Variants in HCFC2 observed in about 807,000 individuals in gnomAD.
HCFC2 encodes host cell factor 2.
HCFC2 carries 18 observed loss-of-function variants against 89.2 expected under a neutral mutation model. The ratio of observed to expected loss-of-function variants is 0.20; its 90% CI spans 0.14 to 0.30. The LOEUF (loss-of-function observed/expected upper bound fraction) is 0.30. HCFC2 is among the 10% of genes least tolerant of loss of function. HCFC2 has a pLI of 1.00. For missense variants in HCFC2, 578 were observed against 956.1 expected, an observed-to-expected ratio of 0.60 and a Z score of 5.21; for synonymous variants, 308 against 335.7, an observed-to-expected ratio of 0.92 and a Z score of 0.90.
intron 10 of HCFC2, 22 bp downstream of exon 10, chr12:104,093,585 C>G: frequency 1.9e-6 from 3 of 1,560,046 alleles, no homozygotes; most frequent in Non-Finnish European, 2.6e-6. Context: ...ACATTTTAAA[C>G]TAAAGCTTTT....
At position 104,095,364 on chromosome 12, in the gene HCFC2, T is replaced by C; in HGVS notation, c.1467T>C (p.Pro489=). 6.2e-7 allele frequency: 1 copy of C among 1,611,604 alleles called. No homozygotes were observed. The stretch of plus-strand genomic sequence containing the variant: ...ACCTTTTCCCTTTTATTTTAGGTCC[T>C]CACACTTCAGCAAATGTAGGTGTTC... ...VVDMLRKNEG[P]HTSANVGVLS... The change falls in exon 11 of 15, where the codon CCT becomes CCC. Residue 489 remains proline (P), a synonymous_variant. Transcript: ENST00000229330. This position sits in a 1 kb window ranked among gnomAD's most constrained non-coding sequence, Gnocchi z 4.2.
intron 9 of HCFC2, among the ~76,000 whole-genome samples, chr12:104,090,112 C>T (rs1443026106): frequency 1.3e-5 from 2 of 152,008 alleles, no homozygotes; most frequent in East Asian, 3.8e-4. Flanking sequence ...TCCTTTATTT[C>T]GTTGCAACCC....
chr12:104,088,214 T>C (rs1299907598), intron 9 of HCFC2, among the ~76,000 whole-genome samples, 176 bp downstream of exon 9: 1 of 152,182 alleles, frequency 6.6e-6, no homozygotes. Flanking sequence ...CTTCCTCAAA[T>C]CTAGTGAAGC....
At chr12:104,065,657 A>G (rs1275463431) in intron 1 of HCFC2, among the ~76,000 whole-genome samples, 3 of 152,190 alleles carry the variant, frequency 2.0e-5, no homozygotes, top group Non-Finnish European at 4.4e-5. Flanking sequence ...GAAGGTAAAA[A>G]GTTACTGACA....
In HCFC2 at chr12:104,103,381, G is replaced by T; in HGVS notation, c.*108G>T. 1.1e-6 allele frequency: 1 copy of T among 912,052 alleles called. No individual in the cohort carries two copies. The highest frequency in any genetic ancestry group is 1.6e-6 in the Non-Finnish European group (1 of 615,670). 56.5% of individuals were successfully genotyped at this position (912,052 alleles called of 1,614,324 possible). ...CTCTGGCTGTATTTCCAGCAGTTATGAACTTGAGTTTGTAAATTGTTCTTA... is the reference window on the plus strand; with the variant it reads ...CTCTGGCTGTATTTCCAGCAGTTATTAACTTGAGTTTGTAAATTGTTCTTA... On this transcript the variant is annotated 3_prime_UTR_variant, in exon 15 of 15. Coordinates refer to ENST00000229330, the MANE Select transcript of HCFC2 (RefSeq NM_013320.3).
chr12:104,102,945 C>CG lies in HCFC2; in HGVS notation c.2065-14_2065-13insG, dbSNP rs201090816. ...TTAAGAACCTTTAACCTGTTTTTTC[C>CG]CCCCCCCTTCAAGAATGTTGAAGGT... On this transcript the variant is annotated splice_polypyrimidine_tract_variant and intron_variant, in intron 14 of 14. Coordinates refer to ENST00000229330, the MANE Select transcript of HCFC2 (RefSeq NM_013320.3). 12 of 1,573,300 alleles carry CG rather than the reference C, an allele frequency of 7.6e-6. No homozygotes were observed. In the South Asian group the frequency reaches 1.0e-4, roughly 14 times the overall value.
At chr12:104,071,368 TCTA>T (rs1246418115) in intron 3 of HCFC2, among the ~76,000 whole-genome samples, 1 of 152,242 alleles carries the variant, frequency 6.6e-6, no homozygotes, top group Non-Finnish European at 1.5e-5. Context: ...TCAAGGGTAT[TCTA>T]CTTCAGAGGG....
rs1402038941 is a variant in HCFC2 at position 104,105,671 on chromosome 12, A to G, written c.*2398A>G. 1 of 152,014 alleles carries G rather than the reference A, an allele frequency of 6.6e-6. No individual in the cohort carries two copies. Among genetic ancestry groups the G allele is most frequent in the Non-Finnish European group, 1.5e-5 (1 of 67,880 alleles). 9.4% of individuals were successfully genotyped at this position (152,014 alleles called of 1,614,324 possible). A position where few individuals can be genotyped will look rare whatever the true frequency, so the allele number is the denominator to read the frequency against. ...GCTGACTAAAAAATGCCATTAAGAA[A>G]TCTCTGTGGCTTTGACATTAGTAGT... On this transcript the variant is annotated 3_prime_UTR_variant, in exon 15 of 15. Coordinates refer to ENST00000229330, the MANE Select transcript of HCFC2 (RefSeq NM_013320.3).
Position 104,093,413 on chromosome 12 carries a change from A to G in HCFC2, c.1312A>G (p.Thr438Ala), listed in dbSNP as rs746682588. Residue 438 changes from threonine to alanine, a missense_variant, in exon 10 of 15, where the codon ACT (threonine) becomes GCT (alanine). By Grantham distance (58) the Thr-to-Ala change is moderately conservative. This residue lies in a region of HCFC2 where 210 missense variants were observed against 251.7 expected (regional missense o/e 0.83). Transcript: ENST00000229330. ...CAATGATACAATAAACAGCACAAAA[A>G]CTGAACAGCCAGCCACAAAAGAAAC... is the stretch of plus-strand genomic sequence containing the variant. ...SINDTINSTK[T>A]EQPATKETSM... 18 of 1,613,250 alleles carry G rather than the reference A, an allele frequency of 1.1e-5. 1 individual carries two copies. Among genetic ancestry groups the G allele is most frequent in the Middle Eastern group, 1.7e-4 (1 of 6,052 alleles).
At position 104,095,323 on chromosome 12, in the gene HCFC2, T is replaced by A. The variant is rs1219541911; in HGVS notation, c.1463-37T>A. 8.2e-6 allele frequency: 12 copies of A among 1,454,780 alleles called. No homozygotes were observed. The highest frequency in any genetic ancestry group is 1.2e-5 in the Non-Finnish European group (12 of 1,038,284). 90.1% of individuals were successfully genotyped at this position (1,454,780 alleles called of 1,614,324 possible). A position where few individuals can be genotyped will look rare whatever the true frequency, so the allele number is the denominator to read the frequency against. On this transcript the variant is annotated intron_variant, in intron 10 of 14. Transcript: ENST00000229330. This position sits in a 1 kb window ranked among gnomAD's most constrained non-coding sequence, Gnocchi z 4.2. ...ATAAGACACAACAATTATCTGCAGA[T>A]ATCATATTAATAATTACCTTTTCCC...
Position 104,103,330 on chromosome 12 carries a change from G to A in HCFC2, c.*57G>A. Reference sequence around the variant, plus strand: ...TGATTATTTATTAGTAACTGGTTATGAAGATTTGTCATTTAAAAGAGTATT... The same window carrying A: ...TGATTATTTATTAGTAACTGGTTATAAAGATTTGTCATTTAAAAGAGTATT... On this transcript the variant is annotated 3_prime_UTR_variant, in exon 15 of 15. Transcript: ENST00000229330. The A allele has an allele frequency of 1.5e-6, 2 of 1,378,148 alleles. No homozygotes were observed. Among genetic ancestry groups the A allele is most frequent in the Non-Finnish European group, 2.0e-6 (2 of 995,266 alleles). 85.4% of individuals were successfully genotyped at this position (1,378,148 alleles called of 1,614,324 possible).
At position 104,086,975 on chromosome 12, in the gene HCFC2, G is replaced by C. The variant is rs1472151778; in HGVS notation, c.1192G>C (p.Ala398Pro). ...LQLSTDLPYQAASSDSSAAPN... is the reference protein window; with the variant it reads ...LQLSTDLPYQPASSDSSAAPN... ...GTTGAGTACAGACTTGCCATACCAA[G>C]CTGCATCATCAGATTCTTCAGCAGC... is the stretch of plus-strand genomic sequence containing the variant. The change falls in exon 8 of 15, where the codon GCT becomes CCT. Residue 398 changes from alanine to proline, a missense_variant. Physicochemically the swap from Ala to Pro is conservative, Grantham distance 27 (BLOSUM62 -1). Around this residue, in one of 4 missense-constraint regions of HCFC2, gnomAD observed 210 missense variants for 251.7 expected, o/e 0.83. Coordinates refer to ENST00000229330, the MANE Select transcript of HCFC2 (RefSeq NM_013320.3). 1.2e-6 allele frequency: 2 copies of C among 1,614,030 alleles called. No homozygotes were observed. The highest frequency in any genetic ancestry group is 2.2e-5 in the South Asian group (2 of 91,080).
chr12:104,095,449 T>C lies in HCFC2; in HGVS notation c.1552T>C (p.Ser518Pro), dbSNP rs1185554319. 1.9e-6 allele frequency: 3 copies of C among 1,613,722 alleles called. No individual in the cohort carries two copies. Among genetic ancestry groups the C allele is most frequent in the African/African-American group, 1.3e-5 (1 of 75,028 alleles). Residue 518 changes from serine (S) to proline (P), a missense_variant, in exon 11 of 15, where the codon TCC becomes CCC. Physicochemically the swap from Ser to Pro is moderately conservative, Grantham distance 74. Transcript: ENST00000229330. The surrounding 1 kb of genome is among the most constrained non-coding windows in gnomAD (Gnocchi z 4.2). ...TGAAACATCTGTATCCAGTACTGTT[T>C]CCAGCACACAAACTATGGTAACCCA... ...IPETSVSSTV[S>P]STQTMVTQQT...
At chr12:104,075,095 C>A (rs1321064836) in intron 3 of HCFC2, among the ~76,000 whole-genome samples, 1 of 151,280 alleles carries the variant, frequency 6.6e-6, no homozygotes, top group East Asian at 1.9e-4. Flanking sequence ...TGGTACGCAC[C>A]TATAGTCCCA....
rs1165947147 is a variant in HCFC2, at chr12:104,105,315, A to G, written c.*2042A>G. The stretch of plus-strand genomic sequence containing the variant: ...AACCCTTTCTTCTCTGCATTAATTA[A>G]CAACGTGCATCTTGAAGCCCTTCTC... On this transcript the variant is annotated 3_prime_UTR_variant, in exon 15 of 15. Transcript: ENST00000229330. The G allele has an allele frequency of 1.3e-5, 2 of 152,076 alleles. No homozygotes were observed. Among genetic ancestry groups the G allele is most frequent in the African/African-American group, 2.4e-5 (1 of 41,462 alleles). The allele number at this position is 152,076 out of a possible 1,614,324, so 9.4% of individuals were successfully genotyped here. A position where few individuals can be genotyped will look rare whatever the true frequency, so the allele number is the denominator to read the frequency against.
At chr12:104,065,827 C>T (rs1273443971) in intron 1 of HCFC2, among the ~76,000 whole-genome samples, 2 of 152,112 alleles carry the variant, frequency 1.3e-5, no homozygotes, top group Admixed American at 6.6e-5. Flanking sequence ...CCCAGCAGGG[C>T]GTTTTGTAAG....
At chr12:104,065,323 G>C (rs1440798037) in intron 1 of HCFC2, 1 of 152,282 alleles carries the variant, frequency 6.6e-6, no homozygotes, top group Non-Finnish European at 1.5e-5. Flanking sequence ...TTCTGGACTG[G>C]CCCTCGGAAA....
intron 3 of HCFC2, among the ~76,000 whole-genome samples, chr12:104,077,216 T>TTTTG (rs528213117): frequency 1.0e-3 from 153 of 152,196 alleles, no homozygotes; most frequent in African/African-American, 3.5e-3. Flanking sequence ...CTTTTTTGTT[T>TTTTG]TTTGTTTGTT....
At position 104,080,761 on chromosome 12, in the gene HCFC2, C is replaced by A; in HGVS notation, c.698C>A (p.Ser233Ter). 1.2e-6 allele frequency: 2 copies of A among 1,603,810 alleles called. No homozygotes were observed. Among genetic ancestry groups the A allele is most frequent in the South Asian group, 2.3e-5 (2 of 88,484 alleles). The change falls in exon 5 of 15, where the codon TCA becomes TAA. Residue 233 changes from serine to a stop codon, truncating the protein, a stop_gained. Coordinates refer to ENST00000229330, the MANE Select transcript of HCFC2 (RefSeq NM_013320.3). LOFTEE classifies it high-confidence loss of function. Reference sequence around the variant, plus strand: ...TTACTTTTAGAAACTATGTCATGGTCAAAACCAGAAACTAAAGGGACAGTG... The same window carrying A: ...TTACTTTTAGAAACTATGTCATGGTAAAAACCAGAAACTAAAGGGACAGTG... ...WQLDLETMSW[S>*]KPETKGTVPL...
Sources: gnomAD v4.1 joint callset for allele counts (sites outside exome capture counted in the v4.1 genomes callset) on GRCh38, gnomAD v4.1.1 for gene constraint, gnomAD v4.1.1 regional missense constraint, Gnocchi (gnomAD v3.1) non-coding constraint, MANE v1.5 for transcripts, NCBI Gene and HGNC (gene_info 2026-07-23, HGNC 2026-07-21) for gene names.